Variants in KCNK2 observed in about 807,000 individuals in gnomAD.
The protein encoded by KCNK2 is potassium two pore domain channel subfamily K member 2.
Under a neutral mutation model 40.5 loss-of-function variants are expected in KCNK2, and 21 were observed. The ratio of observed to expected loss-of-function variants is 0.52; its 90% CI spans 0.37 to 0.75. KCNK2 has a LOEUF of 0.75. Ranked by LOEUF, KCNK2 falls within the 30% of genes least tolerant of loss-of-function variation. KCNK2 has a pLI of 0.00. For synonymous variants in KCNK2, 191 were observed against 202.2 expected, an observed-to-expected ratio of 0.94 and a Z score of 0.47; for missense variants, 399 against 531.6, an observed-to-expected ratio of 0.75 and a Z score of 2.45.
intron 1 of KCNK2, among the ~76,000 whole-genome samples, chr1:215,011,557 G>T (rs1656389346): frequency 1.3e-5 from 2 of 152,116 alleles, no homozygotes. Flanking sequence ...CTCCCAGAGT[G>T]CTGGGATTAC....
rs1659252674 is a variant in KCNK2 at position 215,083,201 on chromosome 1, C to CCCCCCCCCCCCCCCCCT, written c.-183_-182insCCCCCCCCCCCCCCTCC. On this transcript the variant is annotated 5_prime_UTR_variant, in exon 1 of 7. Coordinates refer to ENST00000444842, the MANE Select transcript of KCNK2 (RefSeq NM_001017425.3). ...TTTCGTTTCTTCTCACGCTCCCCCC[C>CCCCCCCCCCCCCCCCCT]CCGCCCCCTCCCGCGTCCAGCCCCG... The CCCCCCCCCCCCCCCCCT allele has an allele frequency of 2.1e-5, 16 of 753,780 alleles. No homozygotes were observed. Among genetic ancestry groups the CCCCCCCCCCCCCCCCCT allele is most frequent in the Admixed American group, 7.0e-5 (3 of 42,948 alleles). 46.7% of individuals were successfully genotyped at this position (753,780 alleles called of 1,614,324 possible). A position where few individuals can be genotyped will look rare whatever the true frequency, so the allele number is the denominator to read the frequency against.
intron 1 of KCNK2, among the ~76,000 whole-genome samples, chr1:215,024,640 A>G (rs1656931002): frequency 6.6e-6 from 1 of 152,138 alleles, no homozygotes; most frequent in Admixed American, 6.5e-5. Flanking sequence ...AAAGCTTTTC[A>G]TGCCTGAAAT....
At chr1:215,052,187 GGGTGAAACC>G (rs1290589413) in intron 1 of KCNK2, among the ~76,000 whole-genome samples, 2 of 152,180 alleles carry the variant, frequency 1.3e-5, no homozygotes, top group African/African-American at 2.4e-5. Context: ...AATTAACACA[GGGTGAAACC>G]GGTGAAACTA....
At chr1:215,077,370 C>T (rs1042148223) in intron 1 of KCNK2, among the ~76,000 whole-genome samples, 2 of 152,186 alleles carry the variant, frequency 1.3e-5, no homozygotes, top group Admixed American at 1.3e-4. Context: ...CCACTCCCCA[C>T]ATCCAAAGGG....
At chr1:215,093,935 A>G (rs1165463065) in intron 2 of KCNK2, among the ~76,000 whole-genome samples, 1 of 121,600 alleles carries the variant, frequency 8.2e-6, no homozygotes, top group Non-Finnish European at 1.6e-5. Flanking sequence ...ATATTATTAC[A>G]TGACAATATA....
chr1:215,066,423 T>C (rs1048607426), intron 1 of KCNK2, among the ~76,000 whole-genome samples: 1 of 152,152 alleles, frequency 6.6e-6, no homozygotes, highest in African/African-American at 2.4e-5. Context: ...CCAAAATCAA[T>C]ATGGATACTG....
intron 3 of KCNK2, among the ~76,000 whole-genome samples, chr1:215,137,202 T>G (rs955136289): frequency 6.6e-6 from 1 of 152,192 alleles, no homozygotes; most frequent in African/African-American, 2.4e-5. Context: ...TTTAGAGTAT[T>G]GTACCAATGA....
At chr1:215,171,353 T>C (rs1207462130) in intron 4 of KCNK2, among the ~76,000 whole-genome samples, 1 of 152,130 alleles carries the variant, frequency 6.6e-6, no homozygotes, top group Non-Finnish European at 1.5e-5. Flanking sequence ...ATAGCTTTGT[T>C]AGTTATACAA....
Position 215,209,476 on chromosome 1 carries a change from T to TTA in KCNK2, c.963+14391_963+14392dup, listed in dbSNP as rs1553274202. 7.8e-3 allele frequency among the ~76,000 whole-genome samples: 338 copies of TTA among 43,188 alleles called. 6 individuals carry two copies. Among genetic ancestry groups the TTA allele is most frequent in the South Asian group, 0.029 (25 of 870 alleles). 28.3% of individuals were successfully genotyped at this position (43,188 alleles called of 152,430 possible). A position where few individuals can be genotyped will look rare whatever the true frequency, so the allele number is the denominator to read the frequency against. Reference sequence around the variant, plus strand: ...TATTATATATTATATATAATATATATTATATATAATACATATATATAATAT... The same window carrying TTA: ...TATTATATATTATATATAATATATATTATATATATAATACATATATATAATAT... On this transcript the variant is annotated intron_variant, in intron 6 of 6. Transcript: ENST00000444842.
chr1:215,223,582 G>T (rs1277861599), intron 6 of KCNK2, among the ~76,000 whole-genome samples: 1 of 152,106 alleles, frequency 6.6e-6, no homozygotes, highest in East Asian at 1.9e-4. Context: ...TGAGTCAAAG[G>T]AATGCATGGT....
intron 5 of KCNK2, among the ~76,000 whole-genome samples, chr1:215,183,994 T>G (rs2102651731): frequency 6.6e-6 from 1 of 152,274 alleles, no homozygotes; most frequent in East Asian, 1.9e-4. Flanking sequence ...AGCTTTGCTT[T>G]TGGTCAAAAA....
intron 1 of KCNK2, among the ~76,000 whole-genome samples, chr1:215,064,317 G>T (rs1443294615): frequency 6.6e-6 from 1 of 151,798 alleles, no homozygotes; most frequent in East Asian, 1.9e-4. Flanking sequence ...GTGTGTGTGT[G>T]TACGTGTTTT....
chr1:215,170,558 GAAATA>G (rs1663664420), intron 4 of KCNK2, among the ~76,000 whole-genome samples: 1 of 152,060 alleles, frequency 6.6e-6, no homozygotes, highest in South Asian at 2.1e-4. Flanking sequence ...CTCTACTGAT[GAAATA>G]AAATATCGAG....
intron 1 of KCNK2, among the ~76,000 whole-genome samples, chr1:215,043,049 C>A (rs376303980): frequency 8.9e-4 from 136 of 152,262 alleles, no homozygotes; most frequent in African/African-American, 3.1e-3. Flanking sequence ...ATGTGATAAA[C>A]CAGTATGTGC....
At chr1:215,005,798 C>A, upstream of KCNK2, 1 of 813,948 alleles carries the variant, frequency 1.2e-6, no homozygotes. Context: ...AAAAAGGAAA[C>A]AGTATGGGAC....
intron 6 of KCNK2, among the ~76,000 whole-genome samples, chr1:215,213,743 G>T (rs1487986010): frequency 6.6e-6 from 1 of 152,100 alleles, no homozygotes; most frequent in Non-Finnish European, 1.5e-5. Flanking sequence ...AATACACAGA[G>T]GAATTGTTAG....
At chr1:215,026,644 A>T (rs528325288) in intron 1 of KCNK2, among the ~76,000 whole-genome samples, 3 of 151,816 alleles carry the variant, frequency 2.0e-5, no homozygotes, top group Admixed American at 1.3e-4. Flanking sequence ...TATTGTTTTG[A>T]TTTCAGTATC....
At chr1:215,112,968 G>A (rs866553550) in intron 2 of KCNK2, among the ~76,000 whole-genome samples, 2 of 152,068 alleles carry the variant, frequency 1.3e-5, no homozygotes, top group South Asian at 2.1e-4. Context: ...GTCACGTGTC[G>A]CTTAACAGTA....
At chr1:215,035,924 A>T (rs1657367293) in intron 1 of KCNK2, among the ~76,000 whole-genome samples, 1 of 108,622 alleles carries the variant, frequency 9.2e-6, no homozygotes, top group Non-Finnish European at 2.1e-5. Context: ...ATTGGTTTTG[A>T]GGAGTTTTTT....
Sources: allele counts gnomAD v4.1 joint callset (sites outside exome capture counted in the v4.1 genomes callset), GRCh38; gene constraint gnomAD v4.1.1; transcripts MANE v1.5; gene names NCBI Gene and HGNC (gene_info 2026-07-23, HGNC 2026-07-21).